The following CDH6 variants were observed in gnomAD, a reference collection of about 807,000 sequenced individuals.
CDH6 encodes cadherin-6.
A neutral mutation model predicts 78.0 loss-of-function variants in CDH6; 31 were observed. The ratio of observed to expected loss-of-function variants is 0.40; its 90% confidence interval spans 0.30 to 0.54. CDH6 has a LOEUF of 0.54. CDH6 is among the 20% of genes least tolerant of loss of function. CDH6 has a pLI of 0.56. For synonymous variants in CDH6, 376 were observed against 368.8 expected, an observed-to-expected ratio of 1.02 and a Z score of -0.23; for missense variants, 724 against 975.9, an observed-to-expected ratio of 0.74 and a Z score of 3.44.
In CDH6 at chr5:31,243,135, T is replaced by C. The variant is rs140332441; in HGVS notation, c.-128-24211T>C. ...TAGTATAATACCCTTAGACTCTCCT[T>C]CTTCTCAAAATCTTGCAGTTCTTCT... On this transcript the variant is annotated intron_variant, in intron 1 of 11. Coordinates refer to ENST00000265071, the MANE Select transcript of CDH6 (RefSeq NM_004932.4). Among the ~76,000 whole-genome samples, 11 of 152,218 alleles carry C rather than the reference T, an allele frequency of 7.2e-5. No individual in the cohort carries two copies. The East Asian group carries it at 1.9e-3, about 27-fold the overall frequency.
Position 31,267,571 on chromosome 5 carries a change from C to A in CDH6, c.98C>A (p.Ala33Glu), listed in dbSNP as rs757802150. 9 of 1,613,960 alleles carry A rather than the reference C, an allele frequency of 5.6e-6. No individual in the cohort carries two copies. The highest frequency in any genetic ancestry group is 3.3e-5 in the Admixed American group (2 of 59,990). The change falls in exon 2 of 12, where the codon GCA (alanine) becomes GAA (glutamate). Residue 33 changes from alanine to glutamate, a missense_variant. Ala to Glu is a moderately radical substitution (Grantham distance 107, BLOSUM62 -1). Coordinates refer to ENST00000265071, the MANE Select transcript of CDH6 (RefSeq NM_004932.4). ...TCAAAGAGGACTAGTGGTTTCCCAGCAAAGAAAAGGGCCCTGGAGCTCTCT... is the reference window on the plus strand; with the variant it reads ...TCAAAGAGGACTAGTGGTTTCCCAGAAAAGAAAAGGGCCCTGGAGCTCTCT... ...PLSKRTSGFP[A>E]KKRALELSGN...
intron 1 of CDH6, among the ~76,000 whole-genome samples, chr5:31,195,653 G>A (rs1740145148): frequency 6.6e-6 from 1 of 152,200 alleles, no homozygotes; most frequent in South Asian, 2.1e-4. Flanking sequence ...AACCAGGAGG[G>A]TAAAGTTTAT....
chr5:31,206,927 C>T (rs968756391), intron 1 of CDH6, among the ~76,000 whole-genome samples: 3 of 151,972 alleles, frequency 2.0e-5, no homozygotes, highest in African/African-American at 7.3e-5. Flanking sequence ...ATATTTTTGA[C>T]GATATGCCTC....
chr5:31,222,064 C>T (rs187562344), intron 1 of CDH6, among the ~76,000 whole-genome samples: 2 of 152,090 alleles, frequency 1.3e-5, no homozygotes, highest in African/African-American at 2.4e-5. Context: ...TATAAAATAC[C>T]TTTTTCTATT....
At chr5:31,249,978 C>A (rs1741865144) in intron 1 of CDH6, 1 of 152,298 alleles carries the variant, frequency 6.6e-6, no homozygotes, top group South Asian at 2.1e-4. Flanking sequence ...TCCCAGAGAA[C>A]AACTGACCAG....
intron 1 of CDH6, among the ~76,000 whole-genome samples, chr5:31,246,750 G>T (rs1173980776): frequency 6.6e-6 from 1 of 152,036 alleles, no homozygotes; most frequent in Non-Finnish European, 1.5e-5. Flanking sequence ...TTTTTGTTCT[G>T]TTGTTTTGTT....
intron 1 of CDH6, among the ~76,000 whole-genome samples, chr5:31,233,917 C>T (rs367870909): frequency 5.9e-5 from 9 of 152,282 alleles, no homozygotes; most frequent in East Asian, 5.8e-4. Flanking sequence ...TCTACTAGAA[C>T]GTAAATTCCA....
chr5:31,258,667 A>G (rs1742125092), intron 1 of CDH6, among the ~76,000 whole-genome samples: 1 of 152,180 alleles, frequency 6.6e-6, no homozygotes, highest in Non-Finnish European at 1.5e-5. Context: ...AATGGTCCCC[A>G]TTACAAAGGA....
At chr5:31,292,852 CATATATAT>C (rs140377309) in intron 2 of CDH6, among the ~76,000 whole-genome samples, 1 of 8,798 alleles carries the variant, frequency 1.1e-4, no homozygotes, top group Admixed American at 2.1e-3. Context: ...TATATGTGTG[CATATATAT>C]ATATATATAT....
chr5:31,219,399 C>T (rs1202574795), intron 1 of CDH6, among the ~76,000 whole-genome samples: 2 of 152,064 alleles, frequency 1.3e-5, no homozygotes, highest in Non-Finnish European at 2.9e-5. Context: ...TCTGGAGCAC[C>T]CTGGCTATAA....
intron 2 of CDH6, among the ~76,000 whole-genome samples, chr5:31,290,514 A>G (rs1743126740): frequency 6.6e-6 from 1 of 152,144 alleles, no homozygotes; most frequent in Non-Finnish European, 1.5e-5. Flanking sequence ...ACAGCCTTTT[A>G]TTTGTTGTTG....
chr5:31,200,646 A>T (rs1740325788), intron 1 of CDH6, among the ~76,000 whole-genome samples: 1 of 151,222 alleles, frequency 6.6e-6, no homozygotes, highest in Non-Finnish European at 1.5e-5. Flanking sequence ...CACAAAAGCA[A>T]GGAAAGAAAG....
intron 1 of CDH6, among the ~76,000 whole-genome samples, chr5:31,202,308 A>G (rs1314141732): frequency 1.3e-5 from 2 of 152,200 alleles, no homozygotes; most frequent in Non-Finnish European, 2.9e-5. Context: ...TAAAAAAGAA[A>G]GAGAGTCTCA....
rs1242629815 is a variant in CDH6, at chr5:31,325,753, A to G, written c.*2445A>G. 4.3e-6 allele frequency: 1 copy of G among 230,806 alleles called. No individual in the cohort carries two copies. Among genetic ancestry groups the G allele is most frequent in the Non-Finnish European group, 8.6e-6 (1 of 116,546 alleles). 14.3% of individuals were successfully genotyped at this position (230,806 alleles called of 1,614,324 possible). A position where few individuals can be genotyped will look rare whatever the true frequency, so the allele number is the denominator to read the frequency against. The stretch of plus-strand genomic sequence containing the variant: ...GACACAGCATACCAAGAACAGGTTA[A>G]TATGATTACTTATGGAAATAACTTT... On this transcript the variant is annotated 3_prime_UTR_variant, in exon 12 of 12. Coordinates refer to ENST00000265071, the MANE Select transcript of CDH6 (RefSeq NM_004932.4).
At chr5:31,199,517 CACACACATATGTGTATATATATGTAT>C (rs1740274529) in intron 1 of CDH6, among the ~76,000 whole-genome samples, 2 of 44,422 alleles carry the variant, frequency 4.5e-5, no homozygotes, top group Non-Finnish European at 1.0e-4. Context: ...TATATATGTA[CACACACATATGTGTATATATATGTAT>C]ACACACATAT....
At chr5:31,241,485 C>A (rs1232758367) in intron 1 of CDH6, among the ~76,000 whole-genome samples, 1 of 152,234 alleles carries the variant, frequency 6.6e-6, no homozygotes. Flanking sequence ...AAGGGGCTTT[C>A]TATTAGTTGG....
chr5:31,292,649 C>A (rs1247838319), intron 2 of CDH6, among the ~76,000 whole-genome samples: 2 of 151,804 alleles, frequency 1.3e-5, no homozygotes, highest in African/African-American at 2.4e-5. Flanking sequence ...ACCATGGATG[C>A]TTAAAACTCT....
intron 2 of CDH6, among the ~76,000 whole-genome samples, chr5:31,275,157 C>G (rs1209054280): frequency 6.6e-6 from 1 of 152,140 alleles, no homozygotes; most frequent in African/African-American, 2.4e-5. Flanking sequence ...TGCCAACATC[C>G]TAGTTTACAT....
intron 1 of CDH6, among the ~76,000 whole-genome samples, chr5:31,210,645 C>G (rs1740678244): frequency 6.6e-6 from 1 of 152,156 alleles, no homozygotes; most frequent in African/African-American, 2.4e-5. Flanking sequence ...CAAGGATGCT[C>G]AAGTCCCTTA....
Sources: allele counts gnomAD v4.1 joint callset (sites outside exome capture counted in the v4.1 genomes callset), GRCh38; gene constraint gnomAD v4.1.1; transcripts MANE v1.5; gene names NCBI Gene and HGNC (gene_info 2026-07-23, HGNC 2026-07-21).